STEAP1B: variants seen among roughly 807,000 people sequenced by gnomAD.
STEAP1B encodes STEAP family member 1B.
STEAP1B carries 13 observed loss-of-function variants against 27.9 expected under a neutral mutation model. That is an observed-to-expected ratio of 0.47 (90% CI 0.30 to 0.74). The LOEUF (loss-of-function observed/expected upper bound fraction) is 0.74. Among genes scored for constraint, STEAP1B ranks in the 30% least tolerant of loss-of-function variants. STEAP1B has a pLI of 0.06. For missense variants in STEAP1B, 250 were observed against 298.7 expected (o/e 0.84, Z 1.20); for synonymous variants, 86 against 107.1 (o/e 0.80, Z 1.22).
At chr7:22,432,373 TAATAAATA>T (rs147989425) in intron 4 of STEAP1B, among the ~76,000 whole-genome samples, 20,137 of 137,468 alleles carry the variant, frequency 0.15, 1,707 homozygotes, top group Non-Finnish European at 0.19. Flanking sequence ...ACCCTATACC[TAATAAATA>T]AATAAATAAA....
At chr7:22,492,063 T>C (rs1248646184) in intron 4 of STEAP1B, among the ~76,000 whole-genome samples, 1 of 151,980 alleles carries the variant, frequency 6.6e-6, no homozygotes, top group Non-Finnish European at 1.5e-5. Flanking sequence ...GGCTCACGTC[T>C]GTAATCCCAG....
In STEAP1B at chr7:22,493,763, T is replaced by C. The variant is rs1465240782; in HGVS notation, c.158A>G (p.Asp53Gly). 1 of 1,613,850 alleles carries C rather than the reference T, an allele frequency of 6.2e-7. No individual in the cohort carries two copies. The highest frequency in any genetic ancestry group is 1.7e-5 in the Admixed American group (1 of 60,004). Residue 53 changes from aspartate to glycine, a missense_variant, in exon 3 of 5, where the codon GAT becomes GGT. Coordinates refer to ENST00000678116, the MANE Select transcript of STEAP1B (RefSeq NM_001382447.1). The part of the protein sequence containing the change: ...LLHLQQTAHA[D>G]EFDCPSELQH... Reference sequence around the variant, plus strand: ...AAGTTCTGAAGGGCAGTCAAATTCATCAGCATGGGCTGTTTGCTGCAAATG... The same window carrying C: ...AAGTTCTGAAGGGCAGTCAAATTCACCAGCATGGGCTGTTTGCTGCAAATG...
At chr7:22,460,569 G>C (rs926803668) in intron 4 of STEAP1B, among the ~76,000 whole-genome samples, 2 of 152,188 alleles carry the variant, frequency 1.3e-5, no homozygotes, top group Non-Finnish European at 2.9e-5. Flanking sequence ...TGGACATGCT[G>C]TGGGAGTCCA....
chr7:22,471,633 G>C (rs61171868), intron 4 of STEAP1B, among the ~76,000 whole-genome samples: 38 of 152,108 alleles, frequency 2.5e-4, no homozygotes, highest in African/African-American at 8.0e-4. Flanking sequence ...GGCCAGGTAC[G>C]GTGGCTCACA....
At chr7:22,492,098 G>C (rs1786333137) in intron 4 of STEAP1B, among the ~76,000 whole-genome samples, 1 of 151,884 alleles carries the variant, frequency 6.6e-6, no homozygotes, top group South Asian at 2.1e-4. Context: ...GAGGCGGGCA[G>C]ATCACAAGTC....
At chr7:22,461,875 G>A (rs757606938) in intron 4 of STEAP1B, among the ~76,000 whole-genome samples, 3 of 152,154 alleles carry the variant, frequency 2.0e-5, no homozygotes, top group Non-Finnish European at 2.9e-5. Context: ...GTTTTCTCAC[G>A]TATAAAATGG....
chr7:22,448,195 C>T (rs1406179841), intron 4 of STEAP1B, among the ~76,000 whole-genome samples: 1 of 152,120 alleles, frequency 6.6e-6, no homozygotes, highest in African/African-American at 2.4e-5. Flanking sequence ...TTTCCCTTCC[C>T]GTGTTAAAAT....
chr7:22,451,449 T>C (rs1785488135), intron 4 of STEAP1B, among the ~76,000 whole-genome samples: 1 of 152,204 alleles, frequency 6.6e-6, no homozygotes, highest in Non-Finnish European at 1.5e-5. Flanking sequence ...TGAATAACAG[T>C]GATGAAAGTG....
At chr7:22,452,488 T>C (rs957254558) in intron 4 of STEAP1B, among the ~76,000 whole-genome samples, 36 of 151,664 alleles carry the variant, frequency 2.4e-4, no homozygotes, top group African/African-American at 8.2e-4. Context: ...AATGCGGTAA[T>C]GTGCAGATTC....
intron 4 of STEAP1B, among the ~76,000 whole-genome samples, chr7:22,427,269 C>T (rs1333298109): frequency 1.3e-5 from 2 of 152,156 alleles, no homozygotes; most frequent in Non-Finnish European, 2.9e-5. Flanking sequence ...AACAGAACAG[C>T]AGTTATGGAC....
Position 22,493,406 on chromosome 7 carries a change from G to C in STEAP1B, c.515C>G (p.Ala172Gly), listed in dbSNP as rs768755480. ...CAGAGTATAAATTGCATGCAGTACA[G>C]CAAAAAACAAACTGAGAAGCCCAAA... ...KQFGLLSLFFAVLHAIYTLSY... is the reference protein window; with the variant it reads ...KQFGLLSLFFGVLHAIYTLSY... The change falls in exon 3 of 5, where the codon GCT becomes GGT. Residue 172 changes from alanine to glycine, a missense_variant. By Grantham distance (60) the Ala-to-Gly change is moderately conservative. Coordinates refer to ENST00000678116, the MANE Select transcript of STEAP1B (RefSeq NM_001382447.1). 2.5e-6 allele frequency: 4 copies of C among 1,613,992 alleles called. No individual in the cohort carries two copies. In the African/African-American group the frequency reaches 5.3e-5, roughly 22 times the overall value.
chr7:22,432,272 C>T (rs1435446961), intron 4 of STEAP1B, among the ~76,000 whole-genome samples: 7 of 152,000 alleles, frequency 4.6e-5, no homozygotes, highest in Non-Finnish European at 8.8e-5. Flanking sequence ...GATGTGATGG[C>T]TCACGCTTCT....
intron 4 of STEAP1B, among the ~76,000 whole-genome samples, chr7:22,484,829 G>A (rs1436056074): frequency 6.6e-6 from 1 of 152,214 alleles, no homozygotes; most frequent in Non-Finnish European, 1.5e-5. Context: ...GAGTTTAGAA[G>A]AAGTTGATTC....
At chr7:22,423,903 C>T (rs1255753916) in intron 4 of STEAP1B, among the ~76,000 whole-genome samples, 3 of 152,070 alleles carry the variant, frequency 2.0e-5, no homozygotes, top group Non-Finnish European at 2.9e-5. Flanking sequence ...GTGGCACGCA[C>T]CTGTAGTTCC....
At chr7:22,472,150 A>C (rs950823198) in intron 4 of STEAP1B, among the ~76,000 whole-genome samples, 2 of 152,206 alleles carry the variant, frequency 1.3e-5, no homozygotes, top group Non-Finnish European at 2.9e-5. Flanking sequence ...GGAATGAGAA[A>C]ACTAAATTAT....
At chr7:22,440,499 G>A (rs1434726465) in intron 4 of STEAP1B, among the ~76,000 whole-genome samples, 1 of 152,066 alleles carries the variant, frequency 6.6e-6, no homozygotes, top group Non-Finnish European at 1.5e-5. Flanking sequence ...TATTCAGGCT[G>A]AAATATTAAC....
chr7:22,498,786 A>G (rs967830401), intron 1 of STEAP1B, among the ~76,000 whole-genome samples: 1 of 151,446 alleles, frequency 6.6e-6, no homozygotes, highest in Non-Finnish European at 1.5e-5. Context: ...GCAGGTTGGC[A>G]GTGTTTGCTG....
chr7:22,481,853 G>A (rs1444032229), intron 4 of STEAP1B, among the ~76,000 whole-genome samples: 4 of 152,216 alleles, frequency 2.6e-5, no homozygotes, highest in African/African-American at 9.6e-5. Flanking sequence ...AAGTCAATGA[G>A]GTAACATTAG....
At chr7:22,467,640 A>G (rs7789172) in intron 4 of STEAP1B, among the ~76,000 whole-genome samples, 36,024 of 151,854 alleles carry the variant, frequency 0.24, 5,836 homozygotes, top group African/African-American at 0.46. Flanking sequence ...TCATTTTATA[A>G]GGGGAAACCC....
Sources: gnomAD v4.1 joint callset for allele counts (sites outside exome capture counted in the v4.1 genomes callset) on GRCh38, gnomAD v4.1.1 for gene constraint, MANE v1.5 for transcripts, NCBI Gene and HGNC (gene_info 2026-07-23, HGNC 2026-07-21) for gene names.